The following SPECC1L variants were observed in gnomAD, a reference collection of about 807,000 sequenced individuals.
SPECC1L encodes sperm antigen with calponin homology and coiled-coil domains 1 like.
Under a neutral mutation model 116.8 loss-of-function variants are expected in SPECC1L, and 40 were observed. The ratio of observed to expected loss-of-function variants is 0.34; its 90% confidence interval spans 0.27 to 0.45. The LOEUF is 0.45. Ranked by LOEUF, SPECC1L falls within the 20% of genes least tolerant of loss-of-function variation. The probability of loss-of-function intolerance (pLI) is 1.00; values close to 1 mark genes in which losing one functional copy is unlikely to be tolerated. For synonymous variants in SPECC1L, 504 were observed against 500.6 expected (o/e 1.01, Z -0.09); for missense variants, 1,110 against 1,373.6 (o/e 0.81, Z 3.03).
At chr22:24,335,773 C>A (rs112431945) in intron 9 of SPECC1L, among the ~76,000 whole-genome samples, 1 of 152,100 alleles carries the variant, frequency 6.6e-6, no homozygotes, top group South Asian at 2.1e-4. Context: ...ATGCCGTATT[C>A]ATAGACTCTG....
intron 14 of SPECC1L, among the ~76,000 whole-genome samples, chr22:24,370,355 AAAGAG>A: frequency 6.6e-6 from 1 of 152,166 alleles, no homozygotes; most frequent in East Asian, 1.9e-4. Flanking sequence ...GGCAAGTAAA[AAAGAG>A]AAGAGAAAAT....
At chr22:24,330,541 TTGGATCTGA>T in intron 8 of SPECC1L, 110 bp downstream of exon 8, 1 of 1,194,344 alleles carries the variant, frequency 8.4e-7, no homozygotes, top group South Asian at 1.3e-5. Context: ...CTTACTGAGT[TTGGATCTGA>T]TGGAAGTTAC....
At chr22:24,372,036 T>A (rs897760346) in intron 14 of SPECC1L, among the ~76,000 whole-genome samples, 1 of 152,148 alleles carries the variant, frequency 6.6e-6, no homozygotes, top group Non-Finnish European at 1.5e-5. Context: ...GGGAAATTTA[T>A]AAACACCCAC....
At position 24,416,677 on chromosome 22, in the gene SPECC1L, C is replaced by T. The variant is rs1321066027; in HGVS notation, c.*2054C>T. ...GGGGCTTCCCCTGGTCTGCAGTTCC[C>T]AACTTTATCCCTTGCTGGCCATGCG... is the stretch of plus-strand genomic sequence containing the variant. On this transcript the variant is annotated 3_prime_UTR_variant, in exon 17 of 17. Coordinates refer to ENST00000314328, the MANE Select transcript of SPECC1L (RefSeq NM_015330.6). The T allele has an allele frequency of 6.6e-6, 1 of 152,272 alleles. No homozygotes were observed. The highest frequency in any genetic ancestry group is 1.5e-5 in the Non-Finnish European group (1 of 68,076). 9.4% of individuals were successfully genotyped at this position (152,272 alleles called of 1,614,324 possible).
chr22:24,374,990 G>A (rs1569440799), intron 14 of SPECC1L, among the ~76,000 whole-genome samples: 3 of 151,850 alleles, frequency 2.0e-5, no homozygotes, highest in African/African-American at 7.3e-5. Flanking sequence ...CCAAAATCAG[G>A]AATAAAGGGA....
intron 2 of SPECC1L, among the ~76,000 whole-genome samples, chr22:24,288,728 CG>C (rs1444239022): frequency 1.4e-5 from 2 of 140,224 alleles, no homozygotes; most frequent in Non-Finnish European, 3.0e-5. Flanking sequence ...TGGGTTCAAG[CG>C]ATTCTCCTGC....
chr22:24,405,284 G>A (rs1241640470), intron 14 of SPECC1L, among the ~76,000 whole-genome samples: 1 of 152,154 alleles, frequency 6.6e-6, no homozygotes, highest in Non-Finnish European at 1.5e-5. Context: ...AGGAGGGAAG[G>A]AAGGAACCAC....
At chr22:24,280,979 TTGGCCCCGGATTG>T (rs2048931897) in intron 2 of SPECC1L, among the ~76,000 whole-genome samples, 1 of 152,196 alleles carries the variant, frequency 6.6e-6, no homozygotes, top group Non-Finnish European at 1.5e-5. Context: ...TGGGTCAGAT[TTGGCCCCGGATTG>T]TGGTTTGTTT....
At chr22:24,361,993 G>A (rs1270520445) in intron 11 of SPECC1L, among the ~76,000 whole-genome samples, 6 of 152,188 alleles carry the variant, frequency 3.9e-5, no homozygotes, top group African/African-American at 1.4e-4. Flanking sequence ...ATATTTTTAG[G>A]AGGGATCATG....
At chr22:24,360,860 G>A (rs2041629550) in intron 11 of SPECC1L, among the ~76,000 whole-genome samples, 1 of 152,002 alleles carries the variant, frequency 6.6e-6, no homozygotes, top group South Asian at 2.1e-4. Flanking sequence ...CCTTTGTTTT[G>A]TCTGTCAGAT....
rs547692080 is a variant in SPECC1L, at chr22:24,415,496, C to T, written c.*873C>T. The stretch of plus-strand genomic sequence containing the variant: ...TGTTAGTACCAAAGTTACATTGTTT[C>T]AATAAGCATAGAAATCTAAACAACA... On this transcript the variant is annotated 3_prime_UTR_variant, in exon 17 of 17. Coordinates refer to ENST00000314328, the MANE Select transcript of SPECC1L (RefSeq NM_015330.6). The T allele has an allele frequency of 1.2e-4, 18 of 152,716 alleles. No homozygotes were observed. The highest frequency in any genetic ancestry group is 3.8e-4 in the African/African-American group (16 of 41,574). The allele number at this position is 152,716 out of a possible 1,614,324, so 9.5% of individuals were successfully genotyped here.
chr22:24,384,891 A>T (rs547315743), intron 14 of SPECC1L, among the ~76,000 whole-genome samples: 138 of 152,254 alleles, frequency 9.1e-4, no homozygotes, highest in African/African-American at 3.2e-3. Flanking sequence ...CCTGGCTAAC[A>T]TAGTGAAACC....
chr22:24,365,767 T>G (rs2041750679), intron 13 of SPECC1L, 135 bp downstream of exon 13: 2 of 968,210 alleles, frequency 2.1e-6, no homozygotes, highest in African/African-American at 3.2e-5. Context: ...CGAATCTTTC[T>G]TATATCCAGA....
intron 14 of SPECC1L, among the ~76,000 whole-genome samples, chr22:24,384,898 A>C (rs1355043572): frequency 6.6e-6 from 1 of 152,076 alleles, no homozygotes; most frequent in East Asian, 1.9e-4. Context: ...AACATAGTGA[A>C]ACCCCGTCTC....
At chr22:24,299,991 T>C (rs1413940429) in intron 2 of SPECC1L, among the ~76,000 whole-genome samples, 1 of 152,202 alleles carries the variant, frequency 6.6e-6, no homozygotes, top group Non-Finnish European at 1.5e-5. Context: ...TACATGGTCC[T>C]TTGTGGCCTT....
intron 2 of SPECC1L, among the ~76,000 whole-genome samples, chr22:24,284,924 A>G (rs988992959): frequency 2.6e-5 from 4 of 152,182 alleles, no homozygotes; most frequent in African/African-American, 9.6e-5. Context: ...TGAGAAGAGA[A>G]AGGGAGAGAC....
At chr22:24,372,560 G>A (rs1228109404) in intron 14 of SPECC1L, among the ~76,000 whole-genome samples, 3 of 152,130 alleles carry the variant, frequency 2.0e-5, no homozygotes, top group Non-Finnish European at 2.9e-5. Context: ...AAAGGCCTTT[G>A]ACAAAATTCA....
At chr22:24,302,496 G>T in intron 3 of SPECC1L, 112 bp downstream of exon 3, 2 of 1,405,076 alleles carry the variant, frequency 1.4e-6, no homozygotes, top group South Asian at 2.3e-5. Context: ...CTGGTGCTGG[G>T]AACACTTGGC....
At chr22:24,370,138 CA>C (rs1377509485) in intron 14 of SPECC1L, among the ~76,000 whole-genome samples, 7 of 152,216 alleles carry the variant, frequency 4.6e-5, no homozygotes, top group Admixed American at 2.0e-4. Flanking sequence ...ATACAAATTT[CA>C]TGCAAAAGAG....
Sources: allele counts gnomAD v4.1 joint callset (sites outside exome capture counted in the v4.1 genomes callset), GRCh38; gene constraint gnomAD v4.1.1; transcripts MANE v1.5; gene names NCBI Gene and HGNC (gene_info 2026-07-23, HGNC 2026-07-21).